The following CDH18 variants were observed in gnomAD, a reference collection of about 807,000 sequenced individuals.
CDH18 encodes cadherin 18.
CDH18 carries 31 observed loss-of-function variants against 67.9 expected under a neutral mutation model. The observed-to-expected ratio is 0.46, with a 90% CI of 0.34 to 0.62. The LOEUF is 0.62. Ranked by LOEUF, CDH18 falls within the 20% of genes least tolerant of loss-of-function variation. The pLI is 0.01. For synonymous variants in CDH18, 362 were observed against 347.2 expected (o/e 1.04, Z -0.48); for missense variants, 890 against 975.5 (o/e 0.91, Z 1.17).
At chr5:20,095,466 A>AGAAAGAAGAAAGAAG (rs1745884162) in intron 2 of CDH18, among the ~76,000 whole-genome samples, 2 of 127,236 alleles carry the variant, frequency 1.6e-5, no homozygotes, top group African/African-American at 6.0e-5. Flanking sequence ...GAAAGAAGAA[A>AGAAAGAAGAAAGAAG]GAAGGAAGGA....
At chr5:19,852,323 T>C (rs562472576) in intron 2 of CDH18, among the ~76,000 whole-genome samples, 1 of 152,130 alleles carries the variant, frequency 6.6e-6, no homozygotes, top group South Asian at 2.1e-4. Context: ...ATAACTAAAT[T>C]GTTACATGAG....
intron 2 of CDH18, among the ~76,000 whole-genome samples, chr5:20,035,172 G>A (rs1227801783): frequency 6.6e-6 from 1 of 151,996 alleles, no homozygotes; most frequent in Non-Finnish European, 1.5e-5. Flanking sequence ...TAGTGTTAGT[G>A]AGGAATAAAC....
intron 1 of CDH18, among the ~76,000 whole-genome samples, chr5:20,263,448 G>T (rs1580615300): frequency 6.6e-6 from 1 of 152,240 alleles, no homozygotes; most frequent in East Asian, 1.9e-4. Flanking sequence ...ATTTTGGAAA[G>T]CTTGCATTTG....
chr5:20,292,171 G>A (rs1747151961), intron 1 of CDH18, among the ~76,000 whole-genome samples: 1 of 152,210 alleles, frequency 6.6e-6, no homozygotes, highest in Admixed American at 6.5e-5. Flanking sequence ...TGGCAGTAAA[G>A]GAGAGGTGTT....
chr5:20,548,591 C>T (rs1034360950), intron 1 of CDH18, among the ~76,000 whole-genome samples: 3 of 152,052 alleles, frequency 2.0e-5, no homozygotes, highest in Non-Finnish European at 4.4e-5. Context: ...GTTGTTCTTT[C>T]CACATTTGCC....
chr5:19,960,384 T>C (rs1446476140), intron 2 of CDH18, among the ~76,000 whole-genome samples: 2 of 151,722 alleles, frequency 1.3e-5, no homozygotes, highest in African/African-American at 2.4e-5. Flanking sequence ...ATCAGGCCTA[T>C]GCTAGCTCAT....
chr5:19,644,214 T>C (rs1340862753), intron 5 of CDH18, among the ~76,000 whole-genome samples: 1 of 152,104 alleles, frequency 6.6e-6, no homozygotes, highest in Non-Finnish European at 1.5e-5. Flanking sequence ...GCATTGTAGC[T>C]GAGTAGAAGT....
At chr5:20,239,869 A>G (rs1476203386) in intron 2 of CDH18, among the ~76,000 whole-genome samples, 1 of 152,090 alleles carries the variant, frequency 6.6e-6, no homozygotes, top group Non-Finnish European at 1.5e-5. Flanking sequence ...TCTGGCTACA[A>G]TGATGCACAC....
chr5:20,008,785 T>G (rs1737151734), intron 2 of CDH18, among the ~76,000 whole-genome samples: 1 of 152,120 alleles, frequency 6.6e-6, no homozygotes, highest in Non-Finnish European at 1.5e-5. Context: ...GAATTCTAAT[T>G]TTATTATAAG....
At chr5:19,656,158 C>T (rs1286764146) in intron 5 of CDH18, among the ~76,000 whole-genome samples, 1 of 151,826 alleles carries the variant, frequency 6.6e-6, no homozygotes, top group Admixed American at 6.6e-5. Context: ...TTCTGAGTAA[C>T]TTATTTCTGA....
At chr5:19,623,895 T>A (rs1751090544) in intron 5 of CDH18, among the ~76,000 whole-genome samples, 1 of 150,912 alleles carries the variant, frequency 6.6e-6, no homozygotes, top group South Asian at 2.1e-4. Context: ...AATTTAGTTA[T>A]TGTGACATCT....
chr5:19,595,100 CAT>C (rs1554055338), intron 6 of CDH18, among the ~76,000 whole-genome samples: 1 of 151,888 alleles, frequency 6.6e-6, no homozygotes, highest in Non-Finnish European at 1.5e-5. Flanking sequence ...AAGTTGCAGA[CAT>C]AAAATCAACA....
intron 1 of CDH18, among the ~76,000 whole-genome samples, chr5:20,497,198 G>A (rs1013019850): frequency 2.0e-5 from 3 of 152,096 alleles, no homozygotes; most frequent in Admixed American, 6.6e-5. Flanking sequence ...GGGAGTAATC[G>A]TGAACCAGGT....
At chr5:20,270,237 G>T (rs1376413823) in intron 1 of CDH18, among the ~76,000 whole-genome samples, 1 of 151,892 alleles carries the variant, frequency 6.6e-6, no homozygotes, top group Non-Finnish European at 1.5e-5. Flanking sequence ...GAAACAGCTA[G>T]CTATAAAACT....
chr5:20,331,205 A>G (rs909678383), intron 1 of CDH18, among the ~76,000 whole-genome samples: 2 of 152,222 alleles, frequency 1.3e-5, no homozygotes, highest in Non-Finnish European at 2.9e-5. Flanking sequence ...AGTAGTATAA[A>G]GACCTGAATC....
intron 2 of CDH18, among the ~76,000 whole-genome samples, chr5:20,142,812 A>G (rs1750349966): frequency 1.3e-5 from 2 of 152,122 alleles, no homozygotes; most frequent in Admixed American, 1.3e-4. Context: ...TGAGAAACCA[A>G]CCATGCCAAT....
chr5:19,807,563 T>G (rs1275932618), intron 3 of CDH18, among the ~76,000 whole-genome samples: 1 of 152,170 alleles, frequency 6.6e-6, no homozygotes, highest in Non-Finnish European at 1.5e-5. Context: ...CTCTCTCTCC[T>G]CACTACATCT....
chr5:20,151,158 C>T (rs1054871106), intron 2 of CDH18, among the ~76,000 whole-genome samples: 1 of 151,952 alleles, frequency 6.6e-6, no homozygotes, highest in Admixed American at 6.6e-5. Flanking sequence ...CTTTCTCTCC[C>T]CACCCTGGTA....
intron 5 of CDH18, among the ~76,000 whole-genome samples, chr5:19,708,924 C>T (rs1764317589): frequency 6.6e-6 from 1 of 152,036 alleles, no homozygotes; most frequent in Non-Finnish European, 1.5e-5. Context: ...GTTAGGGACT[C>T]CATGACCGAG....
Sources: allele counts gnomAD v4.1 joint callset (sites outside exome capture counted in the v4.1 genomes callset), GRCh38; gene constraint gnomAD v4.1.1; transcripts MANE v1.5; gene names NCBI Gene and HGNC (gene_info 2026-07-23, HGNC 2026-07-21).